CADPS: variants seen among roughly 807,000 people sequenced by gnomAD.
CADPS encodes calcium dependent secretion activator.
A neutral mutation model predicts 167.3 loss-of-function variants in CADPS; 57 were observed. The observed-to-expected ratio is 0.34, with a 90% CI of 0.28 to 0.42. CADPS has a LOEUF of 0.42. CADPS is among the 20% of genes least tolerant of loss of function. The pLI is 1.00. For synonymous variants in CADPS, 676 were observed against 635.3 expected (o/e 1.06, Z -0.96); for missense variants, 1,414 against 1,738.1 (o/e 0.81, Z 3.32).
chr3:62,797,869 CA>C (rs547347180), intron 1 of CADPS, among the ~76,000 whole-genome samples: 1 of 151,774 alleles, frequency 6.6e-6, no homozygotes, highest in Non-Finnish European at 1.5e-5. Context: ...TAATCTATAA[CA>C]AAAAAATCTT....
Position 62,875,213 on chromosome 3 carries a change from G to A in CADPS, c.-184C>T, listed in dbSNP as rs2083444734. On this transcript the variant is annotated 5_prime_UTR_variant, in exon 1 of 30. Coordinates refer to ENST00000383710, the MANE Select transcript of CADPS (RefSeq NM_003716.4). ...CCTCTGCCCGGCGGTCGCGAGCTGG[G>A]CTCAGACCCAGAAGCGCGAAGGGAG... 4.1e-6 allele frequency: 3 copies of A among 736,194 alleles called. No homozygotes were observed. Among genetic ancestry groups the A allele is most frequent in the East Asian group, 7.9e-5 (2 of 25,332 alleles). The allele number at this position is 736,194 out of a possible 1,614,324, so 45.6% of individuals were successfully genotyped here.
chr3:62,660,421 G>A (rs984399342), intron 4 of CADPS, among the ~76,000 whole-genome samples: 6 of 152,158 alleles, frequency 3.9e-5, no homozygotes, highest in African/African-American at 1.2e-4. Flanking sequence ...ATTTTAAAGC[G>A]TAACCTTTTA....
At position 62,802,781 on chromosome 3, in the gene CADPS, A is replaced by G. The variant is rs1350281489; in HGVS notation, c.442-36797T>C. ...ATCAGGAAACTGAAGTTAGTTCATT[A>G]TGGTGTACAATCTTTCCCAAGGGTC... On this transcript the variant is annotated intron_variant, in intron 1 of 29. Transcript: ENST00000383710. 2.0e-5 allele frequency among the ~76,000 whole-genome samples: 3 copies of G among 152,162 alleles called. No individual in the cohort carries two copies. In the East Asian group the frequency reaches 5.8e-4, roughly 29 times the overall value.
intron 7 of CADPS, among the ~76,000 whole-genome samples, chr3:62,590,867 T>A (rs1279655446): frequency 6.6e-6 from 1 of 152,078 alleles, no homozygotes; most frequent in Non-Finnish European, 1.5e-5. Flanking sequence ...ATTATTATTA[T>A]TTTTGAGATG....
intron 17 of CADPS, among the ~76,000 whole-genome samples, chr3:62,512,402 G>T (rs1032900657): frequency 5.9e-5 from 9 of 152,002 alleles, no homozygotes; most frequent in Admixed American, 2.6e-4. Flanking sequence ...ACAGAAAAAA[G>T]AAATGAAAAA....
intron 1 of CADPS, among the ~76,000 whole-genome samples, chr3:62,782,433 G>C (rs185432617): frequency 2.0e-4 from 30 of 152,260 alleles, no homozygotes; most frequent in Admixed American, 4.6e-4. Context: ...TGCCCTTTTG[G>C]AGCTACCATT....
At chr3:62,864,494 CG>C (rs1310344298) in intron 1 of CADPS, among the ~76,000 whole-genome samples, 3 of 152,088 alleles carry the variant, frequency 2.0e-5, no homozygotes. Flanking sequence ...CCTTCTGAGG[CG>C]TAAGAATCTG....
chr3:62,663,114 T>C (rs1229545731), intron 3 of CADPS, among the ~76,000 whole-genome samples: 1 of 152,204 alleles, frequency 6.6e-6, no homozygotes, highest in Non-Finnish European at 1.5e-5. Context: ...CTGTGACTCT[T>C]TGAAAGGAGT....
chr3:62,638,963 C>T (rs2066873184), intron 6 of CADPS, among the ~76,000 whole-genome samples: 1 of 152,150 alleles, frequency 6.6e-6, no homozygotes, highest in African/African-American at 2.4e-5. Context: ...AGCTCTCTCT[C>T]CAAAACTTGT....
intron 28 of CADPS, among the ~76,000 whole-genome samples, chr3:62,415,195 C>A (rs2049810339): frequency 6.6e-6 from 1 of 151,152 alleles, no homozygotes; most frequent in African/African-American, 2.4e-5. Flanking sequence ...ATATAAATTG[C>A]AAAAATTGAT....
chr3:62,441,954 T>C lies in CADPS; in HGVS notation c.3670-3743A>G, dbSNP rs111379116. ...TATCAGAATTATGTGAAGAACTTAA[T>C]GGAAAGCAATATCCAGGCTCCACCC... On this transcript the variant is annotated intron_variant, in intron 27 of 29. Coordinates refer to ENST00000383710, the MANE Select transcript of CADPS (RefSeq NM_003716.4). 1.5e-3 allele frequency among the ~76,000 whole-genome samples: 222 copies of C among 152,278 alleles called. 1 individual carries two copies. Among genetic ancestry groups the C allele is most frequent in the African/African-American group, 5.0e-3 (208 of 41,558 alleles).
chr3:62,708,350 T>C (rs552623539), intron 3 of CADPS, among the ~76,000 whole-genome samples: 15 of 152,262 alleles, frequency 9.9e-5, no homozygotes, highest in African/African-American at 3.4e-4. Flanking sequence ...TGTTGATGTA[T>C]ATATATGTGT....
intron 12 of CADPS, among the ~76,000 whole-genome samples, chr3:62,534,680 T>G (rs1362503626): frequency 6.6e-6 from 1 of 152,156 alleles, no homozygotes; most frequent in Non-Finnish European, 1.5e-5. Flanking sequence ...ACAGAAAAAT[T>G]TATGTATCCC....
intron 6 of CADPS, 147 bp downstream of exon 6, chr3:62,645,575 T>C (rs1318576062): frequency 1.2e-6 from 1 of 800,772 alleles, no homozygotes; most frequent in Non-Finnish European, 2.0e-6. Flanking sequence ...AATAAAAATG[T>C]AGGCAAGTCA....
chr3:62,869,169 G>A (rs1055034247), intron 1 of CADPS, among the ~76,000 whole-genome samples: 1 of 152,048 alleles, frequency 6.6e-6, no homozygotes, highest in Admixed American at 6.6e-5. Flanking sequence ...AGATTTTAGA[G>A]CATTTCAGAT....
intron 6 of CADPS, among the ~76,000 whole-genome samples, chr3:62,632,567 T>G (rs980150833): frequency 3.9e-5 from 6 of 152,156 alleles, no homozygotes; most frequent in Admixed American, 3.9e-4. Flanking sequence ...ATTATCCTCA[T>G]GAAAGACTTC....
rs1022786029 is a variant in CADPS at position 62,753,661 on chromosome 3, G to A, written c.668C>T (p.Pro223Leu). Residue 223 changes from proline (P) to leucine (L), a missense_variant, in exon 3 of 30, where the codon CCT becomes CTT. Pro to Leu is a moderately conservative substitution (Grantham distance 98, BLOSUM62 -3). Coordinates refer to ENST00000383710, the MANE Select transcript of CADPS (RefSeq NM_003716.4). The surrounding 1 kb of genome is among the most constrained non-coding windows in gnomAD (Gnocchi z 4.6). ...CTCCTTGCTGAGGCCGTCAATCTCA[G>A]GCAGGCTGCGCACTCTCTTCTCAAT... ...KHIEKRVRSLPEIDGLSKETV... is the reference protein window; with the variant it reads ...KHIEKRVRSLLEIDGLSKETV... 1 of 1,614,188 alleles carries A rather than the reference G, an allele frequency of 6.2e-7. No homozygotes were observed. The highest frequency in any genetic ancestry group is 8.5e-7 in the Non-Finnish European group (1 of 1,180,032).
intron 3 of CADPS, among the ~76,000 whole-genome samples, chr3:62,663,623 A>G (rs946686347): frequency 7.2e-5 from 11 of 151,960 alleles, no homozygotes; most frequent in South Asian, 2.1e-4. Flanking sequence ...AAAAAAAAAA[A>G]AAAAAAAAGA....
chr3:62,699,026 T>G (rs2080906737), intron 3 of CADPS, among the ~76,000 whole-genome samples: 1 of 151,978 alleles, frequency 6.6e-6, no homozygotes, highest in South Asian at 2.1e-4. Context: ...GAATAACAAG[T>G]TCTTTCATGG....
Sources: gnomAD v4.1 joint callset for allele counts (sites outside exome capture counted in the v4.1 genomes callset) on GRCh38, gnomAD v4.1.1 for gene constraint, Gnocchi (gnomAD v3.1) non-coding constraint, MANE v1.5 for transcripts, NCBI Gene and HGNC (gene_info 2026-07-23, HGNC 2026-07-21) for gene names.